Variants in PRR16 observed in about 807,000 individuals in gnomAD.
PRR16 encodes the protein proline rich 16.
PRR16 carries 6 observed loss-of-function variants against 18.2 expected under a neutral mutation model. That is an observed-to-expected ratio of 0.33 (90% CI 0.18 to 0.65). The LOEUF (loss-of-function observed/expected upper bound fraction) is 0.65. Ranked by LOEUF, PRR16 falls within the 30% of genes least tolerant of loss-of-function variation. The pLI, the probability that PRR16 is intolerant of heterozygous loss-of-function variation, is 0.74. For missense variants in PRR16, 412 were observed against 376.6 expected (o/e 1.09, Z -0.78); for synonymous variants, 151 against 147.8 (o/e 1.02, Z -0.16).
intron 1 of PRR16, chr5:120,481,274 C>T (rs1749603460): frequency 2.2e-6 from 1 of 457,774 alleles, no homozygotes; most frequent in Non-Finnish European, 4.3e-6. Context: ...CAGCCTGCCT[C>T]AGTGCGCCAC....
chr5:120,579,994 A>G (rs1160158053), intron 1 of PRR16, among the ~76,000 whole-genome samples: 2 of 152,196 alleles, frequency 1.3e-5, no homozygotes, highest in Middle Eastern at 3.4e-3. Context: ...CTTTGTAGCA[A>G]TTGTGAATGA....
intron 1 of PRR16, among the ~76,000 whole-genome samples, chr5:120,609,253 G>A (rs1031019702): frequency 6.6e-6 from 1 of 151,808 alleles, no homozygotes; most frequent in Non-Finnish European, 1.5e-5. Flanking sequence ...GTACCATTCA[G>A]TGGCATCATT....
chr5:120,498,797 G>C (rs1750346419), intron 1 of PRR16, among the ~76,000 whole-genome samples: 1 of 151,898 alleles, frequency 6.6e-6, no homozygotes, highest in South Asian at 2.1e-4. Flanking sequence ...CTGTTTATAG[G>C]ATTCTAGGTA....
intron 1 of PRR16, among the ~76,000 whole-genome samples, chr5:120,665,881 T>TATAGTTGAAGC (rs1315417117): frequency 6.6e-6 from 1 of 152,296 alleles, no homozygotes; most frequent in African/African-American, 2.4e-5. Flanking sequence ...TAGTTTGAAG[T>TATAGTTGAAGC]CAGGTAGCGT....
intron 1 of PRR16, among the ~76,000 whole-genome samples, chr5:120,532,677 T>A (rs759010600): frequency 3.9e-5 from 6 of 152,112 alleles, no homozygotes; most frequent in African/African-American, 7.2e-5. Flanking sequence ...TATTCAGTTT[T>A]CTCTTTCAAG....
chr5:120,648,193 A>G (rs957423094), intron 1 of PRR16, among the ~76,000 whole-genome samples: 1 of 152,094 alleles, frequency 6.6e-6, no homozygotes, highest in African/African-American at 2.4e-5. Context: ...CATGGCTTCT[A>G]TTTTCAAAGT....
At chr5:120,720,383 C>T in the PRR16 span, among the ~76,000 whole-genome samples, 4 of 151,830 alleles carry the variant, frequency 2.6e-5, no homozygotes, top group South Asian at 8.3e-4. Flanking sequence ...TCATCTTTTC[C>T]AAGTGAAAAT....
At chr5:120,753,843 TATATA>T in the PRR16 span, among the ~76,000 whole-genome samples, 1 of 116,516 alleles carries the variant, frequency 8.6e-6, no homozygotes, top group South Asian at 2.5e-4. Flanking sequence ...ATATATAACT[TATATA>T]TTATATATAA....
At chr5:120,576,787 C>T (rs1753093065) in intron 1 of PRR16, among the ~76,000 whole-genome samples, 1 of 152,022 alleles carries the variant, frequency 6.6e-6, no homozygotes, top group South Asian at 2.1e-4. Flanking sequence ...GGCTTACAGG[C>T]CTTAATACTC....
chr5:120,754,252 A>AAT, the PRR16 span, among the ~76,000 whole-genome samples: 1 of 19,698 alleles, frequency 5.1e-5, no homozygotes, highest in South Asian at 1.6e-3. Context: ...AGATATTATA[A>AAT]TATAAAAATA....
chr5:120,613,317 A>G (rs1754392806), intron 1 of PRR16, among the ~76,000 whole-genome samples: 2 of 152,118 alleles, frequency 1.3e-5, no homozygotes, highest in African/African-American at 2.4e-5. Context: ...ATCATATTTT[A>G]TCATTGCTTT....
At chr5:120,738,489 A>T in the PRR16 span, among the ~76,000 whole-genome samples, 18 of 151,954 alleles carry the variant, frequency 1.2e-4, no homozygotes, top group African/African-American at 4.4e-4. Flanking sequence ...TTACATGACG[A>T]CCCCCTTCCA....
chr5:120,486,839 G>T (rs1207686602), intron 1 of PRR16, among the ~76,000 whole-genome samples: 1 of 152,130 alleles, frequency 6.6e-6, no homozygotes, highest in Non-Finnish European at 1.5e-5. Context: ...TGTAAGGAAG[G>T]GATCCAGTTT....
the PRR16 span, among the ~76,000 whole-genome samples, chr5:120,729,189 C>G: frequency 6.6e-6 from 1 of 152,084 alleles, no homozygotes; most frequent in South Asian, 2.1e-4. Context: ...TGTGAATTGA[C>G]TTAAGGAAGG....
At chr5:120,488,976 T>G (rs558013966) in intron 1 of PRR16, among the ~76,000 whole-genome samples, 14 of 152,350 alleles carry the variant, frequency 9.2e-5, no homozygotes, top group Non-Finnish European at 1.3e-4. Context: ...GTGAGTTTCT[T>G]AATCCTGAGT....
intron 1 of PRR16, among the ~76,000 whole-genome samples, chr5:120,683,366 G>C (rs1372022914): frequency 2.0e-5 from 3 of 151,836 alleles, no homozygotes; most frequent in Admixed American, 6.6e-5. Flanking sequence ...GGTGGGTGTG[G>C]TGGTGGCTGC....
chr5:120,559,945 G>C (rs1438214167), intron 1 of PRR16, among the ~76,000 whole-genome samples: 1 of 151,626 alleles, frequency 6.6e-6, no homozygotes, highest in Non-Finnish European at 1.5e-5. Flanking sequence ...CAGATGTTTG[G>C]TATTGGCATA....
rs561054744 is a variant in PRR16 at position 120,501,445 on chromosome 5, T to A, written c.159+36800T>A. Among the ~76,000 whole-genome samples the A allele has an allele frequency of 7.9e-5, 12 of 152,110 alleles. 1 individual carries two copies. The Middle Eastern group carries it at 0.01, about 129-fold the overall frequency. The stretch of plus-strand genomic sequence containing the variant: ...CATACACACACACACTCAAATAAAT[T>A]GAATCTTGATGACGATAAAAGTAAA... On this transcript the variant is annotated intron_variant, in intron 1 of 1. Coordinates refer to ENST00000407149, the MANE Select transcript of PRR16 (RefSeq NM_001300783.2).
intron 1 of PRR16, among the ~76,000 whole-genome samples, chr5:120,492,690 A>C (rs551383827): frequency 1.3e-5 from 2 of 152,086 alleles, no homozygotes; most frequent in African/African-American, 4.8e-5. Context: ...ACCGTACCCA[A>C]TGTAGTCTTT....
Sources: allele counts gnomAD v4.1 joint callset (sites outside exome capture counted in the v4.1 genomes callset), GRCh38; gene constraint gnomAD v4.1.1; transcripts MANE v1.5; gene names NCBI Gene and HGNC (gene_info 2026-07-23, HGNC 2026-07-21).